CREB5: variants seen among roughly 807,000 people sequenced by gnomAD.
CREB5 encodes cyclic AMP-responsive element-binding protein 5.
In CREB5, 19 loss-of-function variants were observed where a neutral mutation model predicts 57.1. The observed-to-expected ratio is 0.33, with a 90% confidence interval of 0.23 to 0.49. CREB5 has a LOEUF of 0.49. Ranked by LOEUF, CREB5 falls within the 20% of genes least tolerant of loss-of-function variation. CREB5 has a pLI of 0.99. For synonymous variants in CREB5, 238 were observed against 238.3 expected, an observed-to-expected ratio of 1.00 and a Z score of 0.01; for missense variants, 579 against 671.6, an observed-to-expected ratio of 0.86 and a Z score of 1.52.
chr7:28,539,717 A>G (rs1337411338), intron 4 of CREB5, among the ~76,000 whole-genome samples: 2 of 152,196 alleles, frequency 1.3e-5, no homozygotes, highest in Non-Finnish European at 2.9e-5. Flanking sequence ...ACTAAGTTTC[A>G]GTCTGAGTAA....
intron 4 of CREB5, among the ~76,000 whole-genome samples, chr7:28,515,754 G>A (rs756424388): frequency 4.6e-5 from 7 of 151,684 alleles, no homozygotes; most frequent in African/African-American, 7.3e-5. Flanking sequence ...TTCTTACTTC[G>A]TACTGGGTTA....
intron 7 of CREB5, among the ~76,000 whole-genome samples, chr7:28,797,995 A>T (rs1392485952): frequency 2.0e-5 from 3 of 151,754 alleles, no homozygotes; most frequent in Non-Finnish European, 4.4e-5. Context: ...AATGCTTTGG[A>T]GAGGCCACAG....
At chr7:28,410,540 T>G, upstream of CREB5, 1 of 456,690 alleles carries the variant, frequency 2.2e-6, no homozygotes, top group Non-Finnish European at 4.4e-6. Flanking sequence ...AAGGGGCGTC[T>G]GGTAGATAAA....
At chr7:28,521,394 G>A (rs189804341) in intron 4 of CREB5, among the ~76,000 whole-genome samples, 114 of 152,240 alleles carry the variant, frequency 7.5e-4, no homozygotes, top group Middle Eastern at 6.8e-3. Context: ...CCCCAGGCTC[G>A]CGGAGGTCTG....
At chr7:28,780,937 A>C (rs1180862711) in intron 7 of CREB5, among the ~76,000 whole-genome samples, 2 of 152,244 alleles carry the variant, frequency 1.3e-5, no homozygotes, top group Non-Finnish European at 2.9e-5. Flanking sequence ...TGTCTTAGCC[A>C]AAATAGGGCT....
At chr7:28,542,962 T>C (rs1794263186) in intron 4 of CREB5, among the ~76,000 whole-genome samples, 1 of 152,212 alleles carries the variant, frequency 6.6e-6, no homozygotes, top group East Asian at 1.9e-4. Flanking sequence ...TCCGTCACCC[T>C]GCTTTTCCTG....
chr7:28,383,541 A>C (rs1217290560), intron 1 of CREB5, among the ~76,000 whole-genome samples: 1 of 152,180 alleles, frequency 6.6e-6, no homozygotes, highest in Non-Finnish European at 1.5e-5. Flanking sequence ...AAGTGGGTGG[A>C]AGGTGAAGTG....
At chr7:28,343,273 C>T (rs1476141321) in intron 1 of CREB5, among the ~76,000 whole-genome samples, 1 of 152,176 alleles carries the variant, frequency 6.6e-6, no homozygotes, top group African/African-American at 2.4e-5. Flanking sequence ...TAACTGGAAT[C>T]ACCCTACTGG....
At chr7:28,773,694 C>T (rs935020721) in intron 7 of CREB5, among the ~76,000 whole-genome samples, 1 of 152,204 alleles carries the variant, frequency 6.6e-6, no homozygotes, top group Non-Finnish European at 1.5e-5. Flanking sequence ...CCATATCTTT[C>T]TGCTTTCCCT....
At chr7:28,381,618 C>A (rs771353717) in intron 1 of CREB5, among the ~76,000 whole-genome samples, 1 of 152,202 alleles carries the variant, frequency 6.6e-6, no homozygotes, top group Admixed American at 6.5e-5. Context: ...AAACACATTC[C>A]TCTGCCCTCA....
At chr7:28,396,684 A>G (rs960086445) in intron 1 of CREB5, among the ~76,000 whole-genome samples, 4 of 152,150 alleles carry the variant, frequency 2.6e-5, no homozygotes, top group African/African-American at 9.7e-5. Flanking sequence ...TACTTAGTTT[A>G]ATCATTTTAA....
At chr7:28,800,787 C>T (rs1413111896) in intron 7 of CREB5, among the ~76,000 whole-genome samples, 1 of 152,188 alleles carries the variant, frequency 6.6e-6, no homozygotes, top group South Asian at 2.1e-4. Context: ...TCGGCAATAA[C>T]GTCTCCTCTT....
intron 7 of CREB5, among the ~76,000 whole-genome samples, chr7:28,763,196 T>A (rs1805764221): frequency 6.6e-6 from 1 of 152,170 alleles, no homozygotes; most frequent in Admixed American, 6.5e-5. Flanking sequence ...TATAAAAACA[T>A]GCAAAGAAGA....
At chr7:28,413,701 A>G (rs1787906684) in intron 1 of CREB5, among the ~76,000 whole-genome samples, 1 of 152,202 alleles carries the variant, frequency 6.6e-6, no homozygotes, top group Non-Finnish European at 1.5e-5. Flanking sequence ...CCAACAAAAA[A>G]TTGGAAACCA....
At chr7:28,306,688 G>A (rs1365788135) in intron 1 of CREB5, among the ~76,000 whole-genome samples, 5 of 142,418 alleles carry the variant, frequency 3.5e-5, no homozygotes, top group South Asian at 2.3e-4. Context: ...AGCCTCCCGA[G>A]TAGCTGGGAC....
intron 1 of CREB5, among the ~76,000 whole-genome samples, chr7:28,413,674 T>C (rs1390958094): frequency 2.0e-5 from 3 of 152,188 alleles, no homozygotes; most frequent in Non-Finnish European, 4.4e-5. Context: ...CCTGAGAAGA[T>C]AGTTTATTAG....
At chr7:28,739,477 C>T (rs867666026) in intron 7 of CREB5, among the ~76,000 whole-genome samples, 17 of 152,228 alleles carry the variant, frequency 1.1e-4, no homozygotes, top group African/African-American at 3.9e-4. Flanking sequence ...TTTAAAATAA[C>T]AAGTTATTTT....
At chr7:28,404,273 G>C (rs1346453300) in intron 1 of CREB5, among the ~76,000 whole-genome samples, 2 of 152,164 alleles carry the variant, frequency 1.3e-5, no homozygotes, top group Non-Finnish European at 2.9e-5. Flanking sequence ...GCCTAATGCA[G>C]GTAAGATAGG....
intron 4 of CREB5, among the ~76,000 whole-genome samples, chr7:28,565,271 A>G (rs2128645427): frequency 6.6e-6 from 1 of 152,360 alleles, no homozygotes. Flanking sequence ...GTAGCTGACA[A>G]ATGGCCACTC....
Sources: gnomAD v4.1 joint callset for allele counts (sites outside exome capture counted in the v4.1 genomes callset) on GRCh38, gnomAD v4.1.1 for gene constraint, MANE v1.5 for transcripts, NCBI Gene and HGNC (gene_info 2026-07-23, HGNC 2026-07-21) for gene names.